WNT11: variants seen among roughly 807,000 people sequenced by gnomAD.
WNT11 encodes protein Wnt-11.
A neutral mutation model predicts 35.6 loss-of-function variants in WNT11; 20 were observed. The ratio of observed to expected loss-of-function variants is 0.56; its 90% CI spans 0.40 to 0.82. WNT11 has a LOEUF of 0.82. Ranked by LOEUF, WNT11 falls within the 40% of genes least tolerant of loss-of-function variation. The pLI, the probability that WNT11 is intolerant of heterozygous loss-of-function variation, is 0.00. For synonymous variants in WNT11, 200 were observed against 211.9 expected (o/e 0.94, Z 0.49); for missense variants, 459 against 504.4 (o/e 0.91, Z 0.86).
At chr11:76,191,387 G>C (rs1003127150) in intron 4 of WNT11, among the ~76,000 whole-genome samples, 177 bp downstream of exon 4, 1 of 152,158 alleles carries the variant, frequency 6.6e-6, no homozygotes, top group Non-Finnish European at 1.5e-5. Flanking sequence ...AGCTCTGCAG[G>C]GGACCCTAGA....
upstream of WNT11, among the ~76,000 whole-genome samples, chr11:76,209,253 C>A (rs1254921473): frequency 1.3e-5 from 2 of 152,184 alleles, no homozygotes; most frequent in African/African-American, 4.8e-5. Context: ...CTGCCTGCAG[C>A]GGGCCCGGGA....
chr11:76,206,348 G>A lies in WNT11; in HGVS notation c.60C>T (p.Gly20=). 3 of 1,574,126 alleles carry A rather than the reference G, an allele frequency of 1.9e-6. No homozygotes were observed. Among genetic ancestry groups the A allele is most frequent in the Non-Finnish European group, 2.6e-6 (3 of 1,164,790 alleles). Residue 20 remains glycine, a synonymous_variant, in exon 1 of 5, where the codon GGC becomes GGT. Coordinates refer to ENST00000322563, the MANE Select transcript of WNT11 (RefSeq NM_004626.3). ...ACAGCCACTTGATGCCATAGCACACGCCGGTCTGGAGCGCCAGGGCGAAGA... is the reference window on the plus strand; with the variant it reads ...ACAGCCACTTGATGCCATAGCACACACCGGTCTGGAGCGCCAGGGCGAAGA... ...ALLFALALQT[G]VCYGIKWLAL...
At chr11:76,204,629 C>T (rs1330281496) in intron 1 of WNT11, among the ~76,000 whole-genome samples, 1 of 152,202 alleles carries the variant, frequency 6.6e-6, no homozygotes, top group African/African-American at 2.4e-5. Flanking sequence ...CCATCTCCCC[C>T]AAGAGCCTGG....
chr11:76,210,746 G>T (rs1138946), upstream of WNT11: 179,966 of 896,578 alleles, frequency 0.2, 19,546 homozygotes, highest in Non-Finnish European at 0.22. Flanking sequence ...TCTCCTCCTC[G>T]CCTGGCGCGA....
chr11:76,206,408 C>T lies in WNT11; in HGVS notation c.-1G>A, dbSNP rs751369327. The stretch of plus-strand genomic sequence containing the variant: ...CGCAGACCTGCGGCCGCGCCCTCAT[C>T]GTCGCGCGGCGGGCGCGCCCGGGGT... On this transcript the variant is annotated 5_prime_UTR_variant, in exon 1 of 5. Coordinates refer to ENST00000322563, the MANE Select transcript of WNT11 (RefSeq NM_004626.3). The T allele has an allele frequency of 4.8e-5, 72 of 1,506,876 alleles. 1 individual carries two copies. Among genetic ancestry groups the T allele is most frequent in the South Asian group, 4.8e-4 (38 of 79,846 alleles). 93.3% of individuals were successfully genotyped at this position (1,506,876 alleles called of 1,614,324 possible).
chr11:76,191,853 G>A lies in WNT11; in HGVS notation c.601C>T (p.Leu201=), dbSNP rs1591302270. Residue 201 remains leucine, a synonymous_variant, in exon 4 of 5, where the codon CTG becomes TTG. Coordinates refer to ENST00000322563, the MANE Select transcript of WNT11 (RefSeq NM_004626.3). ...CACTTCATTTCCAGAGAGGCGCGCA[G>A]AGCCTGCGGACAGGGGAAGGCGTCA... ...LHNSEVGRQA[L]RASLEMKCKC... 1 of 1,596,894 alleles carries A rather than the reference G, an allele frequency of 6.3e-7. No homozygotes were observed. Among genetic ancestry groups the A allele is most frequent in the Non-Finnish European group, 8.5e-7 (1 of 1,176,762 alleles).
In WNT11 at chr11:76,196,574, G is replaced by C; in HGVS notation, c.228C>G (p.Val76=). The change falls in exon 2 of 5, where the codon GTC becomes GTG. Residue 76 remains valine (V), a synonymous_variant. Transcript: ENST00000322563. ...CAAAGGCCCGGCGACAGGCCTTCAT[G>C]ACCTCGCGGGCGGCGTGCACCACCG... ...MHTVVHAARE[V]MKACRRAFAD... 1 of 1,613,656 alleles carries C rather than the reference G, an allele frequency of 6.2e-7. No individual in the cohort carries two copies.
intron 2 of WNT11, among the ~76,000 whole-genome samples, chr11:76,195,413 G>A (rs1020173699): frequency 1.3e-5 from 2 of 152,230 alleles, no homozygotes; most frequent in African/African-American, 4.8e-5. Flanking sequence ...AGCTTGCCCT[G>A]TGATGACAGA....
At chr11:76,203,378 T>C in intron 1 of WNT11, among the ~76,000 whole-genome samples, 1 of 152,210 alleles carries the variant, frequency 6.6e-6, no homozygotes, top group Admixed American at 6.5e-5. Context: ...GTGGCAGGTG[T>C]GGGACTGCCC....
chr11:76,205,401 G>T (rs1953455990), intron 1 of WNT11, among the ~76,000 whole-genome samples: 1 of 151,780 alleles, frequency 6.6e-6, no homozygotes, highest in Non-Finnish European at 1.5e-5. Context: ...TGCCCACAGC[G>T]TCCTCTCCAT....
intron 3 of WNT11, among the ~76,000 whole-genome samples, 193 bp from the exon 4 acceptor site, chr11:76,192,049 G>T (rs1953194309): frequency 6.6e-6 from 1 of 152,196 alleles, no homozygotes; most frequent in African/African-American, 2.4e-5. Context: ...GGGCACAGCT[G>T]AGGGGCAGGA....
At chr11:76,193,593 C>T (rs1953221897) in intron 3 of WNT11, among the ~76,000 whole-genome samples, 1 of 152,202 alleles carries the variant, frequency 6.6e-6, no homozygotes, top group Non-Finnish European at 1.5e-5. Flanking sequence ...CCCTAACTGT[C>T]CAAGGATGGC....
chr11:76,190,689 C>CCAAA (rs1953170017), intron 4 of WNT11: 1 of 152,300 alleles, frequency 6.6e-6, no homozygotes, highest in Non-Finnish European at 1.5e-5. Flanking sequence ...AGTTCCATGG[C>CCAAA]CAAACACCTC....
rs73500097 is a variant in WNT11, at chr11:76,195,618, A to G, written c.320-774T>C. On this transcript the variant is annotated intron_variant, in intron 2 of 4. Transcript: ENST00000322563. ...ACACATCTGTTGTTTGCAAGCAGCC[A>G]GTTGTGGCCCATTGGACAGCAGCCC... Among the ~76,000 whole-genome samples, 1,340 of 152,298 alleles carry G rather than the reference A, an allele frequency of 8.8e-3. 26 individuals are homozygous for G. Among genetic ancestry groups the G allele is most frequent in the African/African-American group, 0.031 (1,283 of 41,568 alleles).
Position 76,194,585 on chromosome 11 carries a change from G to C in WNT11, c.579C>G (p.Asn193Lys). ...TGGTTACCTGTCTCCCCACTTCACT[G>C]TTGTGTAGACGCATCAGTTTATTGG... Reference protein sequence around the residue: ...SQANKLMRLHNSEVGRQALRA... With the variant: ...SQANKLMRLHKSEVGRQALRA... The change falls in exon 3 of 5, where the codon AAC becomes AAG. Residue 193 changes from asparagine to lysine, a missense_variant. Transcript: ENST00000322563. This position sits in a 1 kb window ranked among gnomAD's most constrained non-coding sequence, Gnocchi z 5.4. The C allele has an allele frequency of 6.5e-7, 1 of 1,549,786 alleles. No individual in the cohort carries two copies. Among genetic ancestry groups the C allele is most frequent in the African/African-American group, 1.4e-5 (1 of 73,094 alleles).
At chr11:76,197,197 C>T (rs1380232377) in intron 1 of WNT11, among the ~76,000 whole-genome samples, 7 of 152,210 alleles carry the variant, frequency 4.6e-5, no homozygotes, top group Admixed American at 1.3e-4. Flanking sequence ...TTTCTAGATG[C>T]GCTACATGTG....
Position 76,195,166 on chromosome 11 carries a change from T to G in WNT11, c.320-322A>C, listed in dbSNP as rs1254562373. On this transcript the variant is annotated intron_variant, in intron 2 of 4. Transcript: ENST00000322563. ...CAGTAGTGAGGCCCAGGCTCTGAGC[T>G]CCTGATGCGCCAGACAAATGCACAA... The G allele has an allele frequency of 8.2e-6, 3 of 367,110 alleles. 1 individual carries two copies. Among genetic ancestry groups the G allele is most frequent in the African/African-American group, 6.2e-5 (3 of 48,562 alleles). 22.7% of individuals were successfully genotyped at this position (367,110 alleles called of 1,614,324 possible). A position where few individuals can be genotyped will look rare whatever the true frequency, so the allele number is the denominator to read the frequency against.
At chr11:76,206,071 C>T (rs1953466976) in intron 1 of WNT11, among the ~76,000 whole-genome samples, 2 of 152,188 alleles carry the variant, frequency 1.3e-5, no homozygotes, top group Non-Finnish European at 2.9e-5. Context: ...GTGGCCCTTG[C>T]GCCACCGTCA....
chr11:76,200,342 T>C (rs538751496), intron 1 of WNT11, among the ~76,000 whole-genome samples: 1 of 152,288 alleles, frequency 6.6e-6, no homozygotes, highest in Admixed American at 6.5e-5. Flanking sequence ...GGCCTCACCT[T>C]CTTGGGGAAC....
Sources: gnomAD v4.1 joint callset for allele counts (sites outside exome capture counted in the v4.1 genomes callset) on GRCh38, gnomAD v4.1.1 for gene constraint, Gnocchi (gnomAD v3.1) non-coding constraint, MANE v1.5 for transcripts, NCBI Gene and HGNC (gene_info 2026-07-23, HGNC 2026-07-21) for gene names.